AUTS2: variants seen among roughly 807,000 people sequenced by gnomAD.
The protein encoded by AUTS2 is activator of transcription and developmental regulator AUTS2.
AUTS2 carries 17 observed loss-of-function variants against 112.4 expected under a neutral mutation model. The observed-to-expected ratio is 0.15, with a 90% confidence interval of 0.10 to 0.23. The LOEUF (loss-of-function observed/expected upper bound fraction) is 0.23. Ranked by LOEUF, AUTS2 falls within the 10% of genes least tolerant of loss-of-function variation. AUTS2 has a pLI of 1.00. For missense variants in AUTS2, 1,510 were observed against 1,701.6 expected (o/e 0.89, Z 1.98); for synonymous variants, 751 against 702.7 (o/e 1.07, Z -1.09).
At chr7:69,726,834 G>C (rs1346140788) in intron 1 of AUTS2, among the ~76,000 whole-genome samples, 2 of 151,928 alleles carry the variant, frequency 1.3e-5, no homozygotes, top group Non-Finnish European at 2.9e-5. Context: ...TGAAGTGTGT[G>C]GTCAAGTTTT....
At chr7:70,769,799 A>AGAT (rs1486923976) in intron 10 of AUTS2, among the ~76,000 whole-genome samples, 1 of 152,190 alleles carries the variant, frequency 6.6e-6, no homozygotes, top group African/African-American at 2.4e-5. Flanking sequence ...CCTAGGCCAA[A>AGAT]GATGGAGAAT....
chr7:70,464,137 G>T (rs1266287403), intron 5 of AUTS2, among the ~76,000 whole-genome samples: 1 of 152,124 alleles, frequency 6.6e-6, no homozygotes, highest in Non-Finnish European at 1.5e-5. Flanking sequence ...GCAGAGCTTC[G>T]TTCTTGTCTC....
intron 2 of AUTS2, among the ~76,000 whole-genome samples, chr7:70,043,318 G>GCCCTC (rs1415261144): frequency 6.6e-6 from 1 of 151,900 alleles, no homozygotes; most frequent in Non-Finnish European, 1.5e-5. Flanking sequence ...TGTGAGCTTT[G>GCCCTC]CCCTCCCCTC....
intron 2 of AUTS2, among the ~76,000 whole-genome samples, chr7:69,995,320 G>C (rs188445437): frequency 6.6e-6 from 1 of 152,248 alleles, no homozygotes; most frequent in East Asian, 1.9e-4. Context: ...TAAATGTCAT[G>C]AATGAATAAT....
At chr7:70,604,686 A>T (rs1803641181) in intron 5 of AUTS2, among the ~76,000 whole-genome samples, 1 of 152,230 alleles carries the variant, frequency 6.6e-6, no homozygotes, top group Non-Finnish European at 1.5e-5. Context: ...GCCTCTGCTG[A>T]CAGAGAAGCT....
intron 1 of AUTS2, among the ~76,000 whole-genome samples, chr7:69,775,197 C>T (rs1788839048): frequency 6.6e-6 from 1 of 152,074 alleles, no homozygotes; most frequent in Non-Finnish European, 1.5e-5. Context: ...ACCCTTCACT[C>T]CATTCCTTCT....
intron 6 of AUTS2, among the ~76,000 whole-genome samples, chr7:70,720,721 T>C (rs1483573625): frequency 6.6e-6 from 1 of 152,172 alleles, no homozygotes; most frequent in African/African-American, 2.4e-5. Context: ...CTTTAGTAGC[T>C]GAGGAATTCC....
intron 6 of AUTS2, among the ~76,000 whole-genome samples, chr7:70,740,869 G>A (rs549876353): frequency 2.0e-5 from 3 of 152,012 alleles, no homozygotes; most frequent in Non-Finnish European, 4.4e-5. Context: ...CAAGGCAGAC[G>A]GATCACTTGC....
chr7:70,071,274 G>C (rs535763535), intron 2 of AUTS2, among the ~76,000 whole-genome samples: 1 of 152,120 alleles, frequency 6.6e-6, no homozygotes, highest in Non-Finnish European at 1.5e-5. Context: ...CTGCTTCTCT[G>C]TAGGGCTGGA....
At chr7:70,407,304 T>A (rs1323575812) in intron 4 of AUTS2, among the ~76,000 whole-genome samples, 1 of 152,220 alleles carries the variant, frequency 6.6e-6, no homozygotes, top group Non-Finnish European at 1.5e-5. Flanking sequence ...TTATCCCTGT[T>A]AATTACAGTG....
intron 4 of AUTS2, among the ~76,000 whole-genome samples, chr7:70,295,197 G>A (rs1788876451): frequency 6.6e-6 from 1 of 152,122 alleles, no homozygotes; most frequent in South Asian, 2.1e-4. Flanking sequence ...CCTTAAGATG[G>A]GTCTTAATCA....
intron 4 of AUTS2, among the ~76,000 whole-genome samples, chr7:70,250,344 G>A (rs896983797): frequency 2.6e-5 from 4 of 152,158 alleles, no homozygotes; most frequent in African/African-American, 7.2e-5. Flanking sequence ...TACCAGACAT[G>A]CAATAGACAG....
chr7:70,008,212 C>G (rs1287621747), intron 2 of AUTS2, among the ~76,000 whole-genome samples: 1 of 151,946 alleles, frequency 6.6e-6, no homozygotes, highest in East Asian at 1.9e-4. Context: ...CATATTTTTT[C>G]TTTATAATTC....
At chr7:70,671,256 T>G (rs1807624759) in intron 5 of AUTS2, among the ~76,000 whole-genome samples, 1 of 152,046 alleles carries the variant, frequency 6.6e-6, no homozygotes, top group Non-Finnish European at 1.5e-5. Flanking sequence ...CTGGCCTTAT[T>G]ACACCCGCTG....
chr7:69,699,509 A>G (rs546881421), intron 1 of AUTS2, among the ~76,000 whole-genome samples: 43 of 152,252 alleles, frequency 2.8e-4, no homozygotes, highest in African/African-American at 1.0e-3. Context: ...CACTACAGAG[A>G]GAGCTTCCGT....
At chr7:70,099,123 G>A (rs577888054) in intron 2 of AUTS2, among the ~76,000 whole-genome samples, 5 of 152,012 alleles carry the variant, frequency 3.3e-5, no homozygotes, top group Non-Finnish European at 5.9e-5. Flanking sequence ...CAAAGGCCAG[G>A]TCTTAGGCTG....
chr7:70,015,663 C>T (rs1799994461), intron 2 of AUTS2, among the ~76,000 whole-genome samples: 1 of 152,144 alleles, frequency 6.6e-6, no homozygotes, highest in Admixed American at 6.5e-5. Flanking sequence ...GTGAATAATA[C>T]ACAAACGAAA....
chr7:70,276,469 C>T (rs1342074362), intron 4 of AUTS2, among the ~76,000 whole-genome samples: 2 of 151,152 alleles, frequency 1.3e-5, no homozygotes, highest in Non-Finnish European at 2.9e-5. Context: ...ACCTCTGCCT[C>T]CCGGGTTCAA....
At chr7:70,500,831 C>T (rs1401363739) in intron 5 of AUTS2, among the ~76,000 whole-genome samples, 1 of 152,048 alleles carries the variant, frequency 6.6e-6, no homozygotes, top group Admixed American at 6.6e-5. Flanking sequence ...AAGCGATTCT[C>T]CCGCCTCAGC....
Sources: allele counts gnomAD v4.1 joint callset (sites outside exome capture counted in the v4.1 genomes callset), GRCh38; gene constraint gnomAD v4.1.1; transcripts MANE v1.5; gene names NCBI Gene and HGNC (gene_info 2026-07-23, HGNC 2026-07-21).